Variants in KCNMA1 observed in about 807,000 individuals in gnomAD.
KCNMA1 encodes Calcium-activated potassium channel subunit alpha-1.
A neutral mutation model predicts 140.0 loss-of-function variants in KCNMA1; 29 were observed. The ratio of observed to expected loss-of-function variants is 0.21; its 90% CI spans 0.15 to 0.28. The LOEUF (loss-of-function observed/expected upper bound fraction) is 0.28, where lower values mean the gene tolerates loss of function less well. Among genes scored for constraint, KCNMA1 ranks in the 10% least tolerant of loss-of-function variants. KCNMA1 has a pLI of 1.00. For synonymous variants in KCNMA1, 612 were observed against 611.9 expected (o/e 1.00, Z 0.00); for missense variants, 880 against 1,602.2 (o/e 0.55, Z 7.70).
chr10:76,928,694 G>C (rs1042840437), intron 23 of KCNMA1, among the ~76,000 whole-genome samples: 20 of 152,070 alleles, frequency 1.3e-4, no homozygotes, highest in African/African-American at 4.6e-4. Context: ...CCTACATACA[G>C]ATGATGTAAG....
chr10:77,572,849 TAGA>T (rs1258983861), intron 1 of KCNMA1, among the ~76,000 whole-genome samples: 2 of 151,700 alleles, frequency 1.3e-5, no homozygotes, highest in Admixed American at 6.6e-5. Flanking sequence ...AGATGTGTTT[TAGA>T]ATTCCAATTG....
At chr10:77,434,462 C>T (rs2097214781) in intron 1 of KCNMA1, among the ~76,000 whole-genome samples, 1 of 152,188 alleles carries the variant, frequency 6.6e-6, no homozygotes, top group Admixed American at 6.5e-5. Context: ...CAAGGCCAGC[C>T]TGCACCAGCT....
intron 1 of KCNMA1, among the ~76,000 whole-genome samples, chr10:77,431,970 C>T (rs1352924366): frequency 6.6e-6 from 1 of 151,054 alleles, no homozygotes; most frequent in African/African-American, 2.4e-5. Flanking sequence ...TCCAGCCTGG[C>T]GACAGAGCAA....
chr10:77,083,658 G>C (rs2153749669), intron 12 of KCNMA1, among the ~76,000 whole-genome samples: 1 of 151,848 alleles, frequency 6.6e-6, no homozygotes, highest in South Asian at 2.1e-4. Flanking sequence ...GCAAGACCCT[G>C]TCCCTACTAA....
At chr10:77,057,797 G>A (rs2095595150) in intron 14 of KCNMA1, among the ~76,000 whole-genome samples, 1 of 151,690 alleles carries the variant, frequency 6.6e-6, no homozygotes, top group Admixed American at 6.6e-5. Flanking sequence ...TGTTCAAAAT[G>A]ATTCAAAAGA....
At chr10:77,088,746 TA>T (rs1201597701) in intron 10 of KCNMA1, among the ~76,000 whole-genome samples, 1 of 152,188 alleles carries the variant, frequency 6.6e-6, no homozygotes, top group Non-Finnish European at 1.5e-5. Context: ...TTATTCAAAC[TA>T]AAGCAGTGGA....
chr10:77,065,785 T>TA (rs1422153332), intron 14 of KCNMA1, among the ~76,000 whole-genome samples: 2 of 152,154 alleles, frequency 1.3e-5, no homozygotes, highest in Admixed American at 6.5e-5. Flanking sequence ...TATATTTCAA[T>TA]AAAAAATTCA....
At chr10:77,354,667 C>T (rs934457891) in intron 2 of KCNMA1, 2 of 152,236 alleles carry the variant, frequency 1.3e-5, no homozygotes, top group Admixed American at 6.5e-5. Flanking sequence ...CCACAAAATT[C>T]GTCATATACT....
At position 77,353,980 on chromosome 10, in the gene KCNMA1, GGT is replaced by G. The variant is rs1234220920; in HGVS notation, c.540+49880_540+49881del. Among the ~76,000 whole-genome samples the G allele has an allele frequency of 7.3e-3, 771 of 105,174 alleles. 11 individuals are homozygous for G. The highest frequency in any genetic ancestry group is 0.024 in the African/African-American group (593 of 25,148). The allele number at this position is 105,174 out of a possible 152,430, so 69.0% of individuals were successfully genotyped here. A position where few individuals can be genotyped will look rare whatever the true frequency, so the allele number is the denominator to read the frequency against. On this transcript the variant is annotated intron_variant, in intron 2 of 27. Transcript: ENST00000286628. ...TCCTGCCTCTTTTTTTGGGGGGGGG[GGT>G]GGTGGGGGTGGAGGGGTGGGGATGG...
chr10:77,368,155 C>G (rs1443696360), intron 2 of KCNMA1, among the ~76,000 whole-genome samples: 1 of 152,184 alleles, frequency 6.6e-6, no homozygotes, highest in Non-Finnish European at 1.5e-5. Context: ...TTTGCATTCC[C>G]ATTAGTAATG....
chr10:77,010,351 G>A (rs2090399025), intron 18 of KCNMA1, among the ~76,000 whole-genome samples: 1 of 152,024 alleles, frequency 6.6e-6, no homozygotes, highest in Non-Finnish European at 1.5e-5. Context: ...GCCTGGTGAA[G>A]AAGGTCTTTG....
At chr10:77,131,703 G>A (rs955368304) in intron 5 of KCNMA1, among the ~76,000 whole-genome samples, 3 of 152,106 alleles carry the variant, frequency 2.0e-5, no homozygotes, top group Admixed American at 1.3e-4. Context: ...GGTGGCTCAT[G>A]CCTGTAATCC....
At chr10:77,154,392 G>A (rs999905385) in intron 5 of KCNMA1, among the ~76,000 whole-genome samples, 1 of 152,166 alleles carries the variant, frequency 6.6e-6, no homozygotes, top group Non-Finnish European at 1.5e-5. Flanking sequence ...GCACTGTGCA[G>A]CCACCAACTA....
intron 3 of KCNMA1, among the ~76,000 whole-genome samples, chr10:77,206,410 A>G (rs2154166190): frequency 6.6e-6 from 1 of 152,300 alleles, no homozygotes; most frequent in Middle Eastern, 3.4e-3. Context: ...TTAAAACAGG[A>G]CAAGGGCTTA....
intron 29 of KCNMA1, among the ~76,000 whole-genome samples, chr10:76,879,672 G>A (rs2033787565): frequency 6.6e-6 from 1 of 151,896 alleles, no homozygotes; most frequent in Non-Finnish European, 1.5e-5. Flanking sequence ...GGTTCCTGAT[G>A]GGCTGGTTAA....
intron 2 of KCNMA1, among the ~76,000 whole-genome samples, chr10:77,306,152 T>C (rs2077651318): frequency 6.6e-6 from 1 of 152,230 alleles, no homozygotes; most frequent in African/African-American, 2.4e-5. Context: ...CCTGCTGAGC[T>C]GCAGGCTTCT....
intron 1 of KCNMA1, among the ~76,000 whole-genome samples, chr10:77,548,555 A>C (rs1603635156): frequency 6.6e-6 from 1 of 152,232 alleles, no homozygotes; most frequent in Non-Finnish European, 1.5e-5. Flanking sequence ...GAATCCATGA[A>C]GCTGACCTGG....
At chr10:77,042,902 T>C (rs1173112276) in intron 14 of KCNMA1, among the ~76,000 whole-genome samples, 1 of 152,246 alleles carries the variant, frequency 6.6e-6, no homozygotes, top group African/African-American at 2.4e-5. Context: ...TAGGATCTGT[T>C]CTAGCTTCTG....
intron 1 of KCNMA1, among the ~76,000 whole-genome samples, chr10:77,470,912 G>A (rs923428950): frequency 2.0e-5 from 3 of 152,130 alleles, no homozygotes; most frequent in Non-Finnish European, 4.4e-5. Flanking sequence ...GGAGAAAACC[G>A]GGGTGGGGAA....
Sources: allele counts gnomAD v4.1 joint callset (sites outside exome capture counted in the v4.1 genomes callset), GRCh38; gene constraint gnomAD v4.1.1; transcripts MANE v1.5; gene names NCBI Gene and HGNC (gene_info 2026-07-23, HGNC 2026-07-21).